ATXN10: variants seen among roughly 807,000 people sequenced by gnomAD.
ATXN10 encodes ataxin-10.
Under a neutral mutation model 52.9 loss-of-function variants are expected in ATXN10, and 28 were observed. The ratio of observed to expected loss-of-function variants is 0.53; its 90% CI spans 0.39 to 0.73. The LOEUF (loss-of-function observed/expected upper bound fraction) is 0.73, where lower values mean the gene tolerates loss of function less well. ATXN10 is among the 30% of genes least tolerant of loss of function. The probability of loss-of-function intolerance (pLI) is 0.00; values close to 1 mark genes in which losing one functional copy is unlikely to be tolerated. For synonymous variants in ATXN10, 226 were observed against 221.5 expected (o/e 1.02, Z -0.18); for missense variants, 565 against 577.0 (o/e 0.98, Z 0.21).
At chr22:45,758,206 T>C (rs1279467628) in intron 9 of ATXN10, among the ~76,000 whole-genome samples, 2 of 152,178 alleles carry the variant, frequency 1.3e-5, no homozygotes, top group African/African-American at 4.8e-5. Flanking sequence ...GTCCCTCGGC[T>C]GTGGAGCAGG....
In ATXN10 at chr22:45,790,827, A is replaced by G. The variant is rs1406827447; in HGVS notation, c.1174-16132A>G. Among the ~76,000 whole-genome samples, 1 of 151,914 alleles carries G rather than the reference A, an allele frequency of 6.6e-6. No individual in the cohort carries two copies. The highest frequency in any genetic ancestry group is 1.5e-5 in the Non-Finnish European group (1 of 67,970). ...TTTTTATCCTGACCTTCTAGATCTT[A>G]TTTCCCATTTCATTTATTTTTATTG... On this transcript the variant is annotated intron_variant, in intron 9 of 11. Coordinates refer to ENST00000252934, the MANE Select transcript of ATXN10 (RefSeq NM_013236.4). This position sits in a 1 kb window ranked among gnomAD's most constrained non-coding sequence, Gnocchi z 4.7.
In ATXN10 at chr22:45,816,853, T is replaced by C. The variant is rs1029810966; in HGVS notation, c.1237+9831T>C. ...CCACATCTTTGGGAATGCAGGAATC[T>C]TAGAATAAATGTAGGAACATGTTCT... On this transcript the variant is annotated intron_variant, in intron 10 of 11. Transcript: ENST00000252934. This position sits in a 1 kb window ranked among gnomAD's most constrained non-coding sequence, Gnocchi z 5.8. 1.3e-5 allele frequency among the ~76,000 whole-genome samples: 2 copies of C among 152,144 alleles called. No individual in the cohort carries two copies. The highest frequency in any genetic ancestry group is 4.2e-4 in the South Asian group (2 of 4,814).
intron 6 of ATXN10, among the ~76,000 whole-genome samples, chr22:45,723,203 GATATAT>G (rs765702537): frequency 1.3e-5 from 2 of 151,916 alleles, no homozygotes; most frequent in African/African-American, 4.8e-5. Flanking sequence ...TTATGATAGA[GATATAT>G]ATAGATAGGT....
intron 9 of ATXN10, among the ~76,000 whole-genome samples, chr22:45,773,825 A>G (rs1185806493): frequency 1.3e-5 from 2 of 151,738 alleles, no homozygotes; most frequent in Non-Finnish European, 2.9e-5. Flanking sequence ...AACCACAGAA[A>G]GAAAAAAGAA....
rs937930299 is a variant in ATXN10 at position 45,762,688 on chromosome 22, C to G, written c.1173+22150C>G. Among the ~76,000 whole-genome samples, 1 of 152,178 alleles carries G rather than the reference C, an allele frequency of 6.6e-6. No individual in the cohort carries two copies. The highest frequency in any genetic ancestry group is 1.5e-5 in the Non-Finnish European group (1 of 68,030). ...GGCCTCAGGGACTGCCTCCTGGTCCCCCAGAGGCCACCTCACTCTTACTCC... is the reference window on the plus strand; with the variant it reads ...GGCCTCAGGGACTGCCTCCTGGTCCGCCAGAGGCCACCTCACTCTTACTCC... On this transcript the variant is annotated intron_variant, in intron 9 of 11. Transcript: ENST00000252934. This position sits in a 1 kb window ranked among gnomAD's most constrained non-coding sequence, Gnocchi z 4.3.
chr22:45,745,829 G>T (rs1463467319), intron 9 of ATXN10, among the ~76,000 whole-genome samples: 12 of 152,054 alleles, frequency 7.9e-5, no homozygotes, highest in Admixed American at 6.6e-5. Flanking sequence ...GCACTTTTAG[G>T]TTCTGAAGAT....
Position 45,823,855 on chromosome 22 carries a change from G to A in ATXN10, c.1237+16833G>A, listed in dbSNP as rs1175694074. Among the ~76,000 whole-genome samples, 1 of 152,160 alleles carries A rather than the reference G, an allele frequency of 6.6e-6. No homozygotes were observed. The highest frequency in any genetic ancestry group is 6.5e-5 in the Admixed American group (1 of 15,278). On this transcript the variant is annotated intron_variant, in intron 10 of 11. Transcript: ENST00000252934. The surrounding 1 kb of genome is among the most constrained non-coding windows in gnomAD (Gnocchi z 4.9). ...CCATGAAGGTTTCAGTATGGTAGGTGGGCACACCCCCTGCTAGGCTTGGGG... is the reference window on the plus strand; with the variant it reads ...CCATGAAGGTTTCAGTATGGTAGGTAGGCACACCCCCTGCTAGGCTTGGGG...
At chr22:45,798,558 T>G (rs1292110028) in intron 9 of ATXN10, among the ~76,000 whole-genome samples, 1 of 152,122 alleles carries the variant, frequency 6.6e-6, no homozygotes, top group Non-Finnish European at 1.5e-5. Flanking sequence ...AAAAAAAAAT[T>G]CAACAGCTAG....
chr22:45,786,342 C>G lies in ATXN10; in HGVS notation c.1174-20617C>G, dbSNP rs1927322531. On this transcript the variant is annotated intron_variant, in intron 9 of 11. Coordinates refer to ENST00000252934, the MANE Select transcript of ATXN10 (RefSeq NM_013236.4). This position sits in a 1 kb window ranked among gnomAD's most constrained non-coding sequence, Gnocchi z 4.1. ...TTTGCCATAGAACTGTAGTATCATTCTCTCTGGATTCCTTTCTTTTTGGAG... is the reference window on the plus strand; with the variant it reads ...TTTGCCATAGAACTGTAGTATCATTGTCTCTGGATTCCTTTCTTTTTGGAG... 6.6e-6 allele frequency among the ~76,000 whole-genome samples: 1 copy of G among 152,210 alleles called. No homozygotes were observed. Among genetic ancestry groups the G allele is most frequent in the Non-Finnish European group, 1.5e-5 (1 of 68,036 alleles).
chr22:45,773,745 A>C (rs1601637410), intron 9 of ATXN10, among the ~76,000 whole-genome samples: 1 of 152,228 alleles, frequency 6.6e-6, no homozygotes, highest in Non-Finnish European at 1.5e-5. Flanking sequence ...GGTGTGAGCC[A>C]CTGCACCTGG....
Position 45,733,595 on chromosome 22 carries a change from G to A in ATXN10, c.894+4005G>A, listed in dbSNP as rs2092386787. Reference sequence around the variant, plus strand: ...TACTAAAAATACAAAAATTAGCCGGGTGTGGTGGCGGATGCCTGTAATCCC... The same window carrying A: ...TACTAAAAATACAAAAATTAGCCGGATGTGGTGGCGGATGCCTGTAATCCC... On this transcript the variant is annotated intron_variant, in intron 7 of 11. Transcript: ENST00000252934. This position sits in a 1 kb window ranked among gnomAD's most constrained non-coding sequence, Gnocchi z 4.4. 1.3e-5 allele frequency among the ~76,000 whole-genome samples: 2 copies of A among 152,040 alleles called. No homozygotes were observed. Among genetic ancestry groups the A allele is most frequent in the African/African-American group, 4.8e-5 (2 of 41,402 alleles).
intron 9 of ATXN10, among the ~76,000 whole-genome samples, chr22:45,767,519 A>G (rs1157379091): frequency 6.6e-6 from 1 of 152,106 alleles, no homozygotes; most frequent in Non-Finnish European, 1.5e-5. Context: ...ACTCATTTTA[A>G]ACATGGTTAG....
intron 1 of ATXN10, 46 bp downstream of exon 1, chr22:45,672,225 C>G: frequency 2.1e-6 from 3 of 1,451,190 alleles, no homozygotes; most frequent in Non-Finnish European, 2.7e-6. Flanking sequence ...GGAGGGCGGC[C>G]GGGACTCCCG....
At position 45,835,030 on chromosome 22, in the gene ATXN10, G is replaced by A; in HGVS notation, c.1238-7961G>A. Among the ~76,000 whole-genome samples the A allele has an allele frequency of 6.6e-6, 1 of 152,342 alleles. No homozygotes were observed. The highest frequency in any genetic ancestry group is 3.4e-3 in the Middle Eastern group (1 of 294). On this transcript the variant is annotated intron_variant, in intron 10 of 11. Coordinates refer to ENST00000252934, the MANE Select transcript of ATXN10 (RefSeq NM_013236.4). This position sits in a 1 kb window ranked among gnomAD's most constrained non-coding sequence, Gnocchi z 5.0. ...ACTGCTTCGTACCACGCTTTGCTTT[G>A]AAGTGGTCAGTAAAATGATTCCAGA...
Position 45,690,106 on chromosome 22 carries a change from C to CTACAAAAAAAA in ATXN10, c.308+213_308+223dup, listed in dbSNP as rs1569024063. On this transcript the variant is annotated intron_variant, in intron 2 of 11. Transcript: ENST00000252934. The surrounding 1 kb of genome is among the most constrained non-coding windows in gnomAD (Gnocchi z 4.5). ...TGGGCAACATGGTGAGACCCTGTCT[C>CTACAAAAAAAA]TACAAAAAAAATACAAAAAATTAGC... 1.3e-5 allele frequency among the ~76,000 whole-genome samples: 2 copies of CTACAAAAAAAA among 151,836 alleles called. No homozygotes were observed. The highest frequency in any genetic ancestry group is 2.9e-5 in the Non-Finnish European group (2 of 67,956).
chr22:45,701,994 T>C lies in ATXN10; in HGVS notation c.489-695T>C, dbSNP rs1040692656. Among the ~76,000 whole-genome samples, 3 of 152,258 alleles carry C rather than the reference T, an allele frequency of 2.0e-5. No homozygotes were observed. The highest frequency in any genetic ancestry group is 4.4e-5 in the Non-Finnish European group (3 of 68,038). ...GTTCTTTGCCTTCACTTTTTATGCATTTATGGGACAGATATAACCAAATTT... is the reference window on the plus strand; with the variant it reads ...GTTCTTTGCCTTCACTTTTTATGCACTTATGGGACAGATATAACCAAATTT... On this transcript the variant is annotated intron_variant, in intron 4 of 11. Transcript: ENST00000252934. The surrounding 1 kb of genome is among the most constrained non-coding windows in gnomAD (Gnocchi z 4.2).
chr22:45,672,126 A>C lies in ATXN10; in HGVS notation c.63A>C (p.Gln21His). Residue 21 changes from glutamine to histidine, a missense_variant, in exon 1 of 12, where the codon CAA becomes CAC. Transcript: ENST00000252934. Reference protein sequence around the residue: ...LSGVMVPAPIQDLEALRALTA... With the variant: ...LSGVMVPAPIHDLEALRALTA... ...GCGTCATGGTGCCGGCGCCCATCCA[A>C]GACCTGGAGGCCCTGCGCGCGCTCA... The C allele has an allele frequency of 6.5e-7, 1 of 1,540,580 alleles. No individual in the cohort carries two copies. The highest frequency in any genetic ancestry group is 8.7e-7 in the Non-Finnish European group (1 of 1,145,596).
In ATXN10 at chr22:45,825,067, G is replaced by A. The variant is rs1299530804; in HGVS notation, c.1238-17924G>A. Among the ~76,000 whole-genome samples the A allele has an allele frequency of 6.6e-6, 1 of 152,242 alleles. No homozygotes were observed. The highest frequency in any genetic ancestry group is 6.5e-5 in the Admixed American group (1 of 15,282). On this transcript the variant is annotated intron_variant, in intron 10 of 11. Transcript: ENST00000252934. The surrounding 1 kb of genome is among the most constrained non-coding windows in gnomAD (Gnocchi z 4.5). ...TCCATCCCCAGTCCTATGGCAGACA[G>A]CTGCTGTACACTGTTCCTAGAGCAT...
In ATXN10 at chr22:45,833,253, C is replaced by T. The variant is rs577233288; in HGVS notation, c.1238-9738C>T. 6.6e-5 allele frequency among the ~76,000 whole-genome samples: 10 copies of T among 152,296 alleles called. No individual in the cohort carries two copies. Among genetic ancestry groups the T allele is most frequent in the South Asian group, 2.1e-4 (1 of 4,824 alleles). On this transcript the variant is annotated intron_variant, in intron 10 of 11. Transcript: ENST00000252934. The surrounding 1 kb of genome is among the most constrained non-coding windows in gnomAD (Gnocchi z 4.3). ...GCAAGCCCTCCCCACCCTTGACCACCGACTTCCTGGGAGCTGCTGAAGGCG... is the reference window on the plus strand; with the variant it reads ...GCAAGCCCTCCCCACCCTTGACCACTGACTTCCTGGGAGCTGCTGAAGGCG...
Sources: allele counts gnomAD v4.1 joint callset (sites outside exome capture counted in the v4.1 genomes callset), GRCh38; gene constraint gnomAD v4.1.1; non-coding constraint Gnocchi (gnomAD v3.1); transcripts MANE v1.5; gene names NCBI Gene and HGNC (gene_info 2026-07-23, HGNC 2026-07-21).